MROH7: variants seen among roughly 807,000 people sequenced by gnomAD.
MROH7 encodes maestro heat-like repeat-containing protein family member 7.
A neutral mutation model predicts 129.2 loss-of-function variants in MROH7; 113 were observed. The ratio of observed to expected loss-of-function variants is 0.87; its 90% CI spans 0.75 to 1.02. The LOEUF (loss-of-function observed/expected upper bound fraction) is 1.02, where lower values mean the gene tolerates loss of function less well. Ranked by LOEUF, MROH7 falls within the 50% of genes least tolerant of loss-of-function variation. The pLI is 0.00. For missense variants in MROH7, 1,601 were observed against 1,671.3 expected, an observed-to-expected ratio of 0.96 and a Z score of 0.73; for synonymous variants, 655 against 667.9, an observed-to-expected ratio of 0.98 and a Z score of 0.30.
Position 54,670,538 on chromosome 1 carries a change from C to T in MROH7, c.1431C>T (p.Ser477=), listed in dbSNP as rs769296346. The part of the protein sequence containing the change: ...QEEPLDSLSS[S]VRKQAMEILT... ...AGCCACTGGATTCTCTCTCAAGCTC[C>T]GTCCGCAAGCAGGCCATGGAGATCC... Residue 477 remains serine, a synonymous_variant, in exon 6 of 24, where the codon TCC becomes TCT. Transcript: ENST00000421030. 4.4e-5 allele frequency: 71 copies of T among 1,613,848 alleles called. No individual in the cohort carries two copies. Among genetic ancestry groups the T allele is most frequent in the Middle Eastern group, 3.3e-4 (2 of 6,060 alleles).
chr1:54,660,246 T>C (rs987379869), intron 3 of MROH7, among the ~76,000 whole-genome samples: 1 of 152,158 alleles, frequency 6.6e-6, no homozygotes, highest in Admixed American at 6.5e-5. Flanking sequence ...TACATGGTGG[T>C]AGGTGGAAGG....
At chr1:54,674,810 A>T (rs916389700) in intron 10 of MROH7, among the ~76,000 whole-genome samples, 1 of 152,094 alleles carries the variant, frequency 6.6e-6, no homozygotes, top group African/African-American at 2.4e-5. Flanking sequence ...TCTGCCCTAA[A>T]CCAGGGCACC....
rs1379270078 is a variant in MROH7 at position 54,684,694 on chromosome 1, T to G, written c.2521-1564T>G. Among the ~76,000 whole-genome samples, 6 of 152,240 alleles carry G rather than the reference T, an allele frequency of 3.9e-5. No individual in the cohort carries two copies. In the East Asian group the frequency reaches 1.2e-3, roughly 29 times the overall value. On this transcript the variant is annotated intron_variant, in intron 14 of 23. Transcript: ENST00000421030. ...GGCTGCTGGAAAAGTACAAGGGCTT[T>G]GAGTCCAAGAGACTTGTCTTAGCTC...
At chr1:54,645,080 G>A (rs1281877355) in intron 1 of MROH7, among the ~76,000 whole-genome samples, 1 of 152,108 alleles carries the variant, frequency 6.6e-6, no homozygotes, top group Non-Finnish European at 1.5e-5. Context: ...AAAGTGCTGA[G>A]ATTACATGCA....
At chr1:54,670,448 G>T in intron 5 of MROH7, 49 bp from the exon 6 acceptor site, 4 of 1,556,816 alleles carry the variant, frequency 2.6e-6, no homozygotes, top group Non-Finnish European at 3.5e-6. Context: ...GGCCCTGGTG[G>T]CCTGCAGTAG....
At chr1:54,699,053 C>T (rs1645368921) in intron 17 of MROH7, 1 of 151,816 alleles carries the variant, frequency 6.6e-6, no homozygotes, top group Admixed American at 6.6e-5. Context: ...CTCAGTCTCT[C>T]AAAGTGCTGA....
In MROH7 at chr1:54,673,138, C is replaced by T. The variant is rs755872203; in HGVS notation, c.1647C>T (p.Ala549=). ...AGGCCCTGCAGACACTGCTCAAAGC[C>T]CTCTTTATCGAGGACCCCACTCCTG... is the stretch of plus-strand genomic sequence containing the variant. ...TLEALQTLLK[A]LFIEDPTPAG... Residue 549 remains alanine, a synonymous_variant, in exon 8 of 24, where the codon GCC becomes GCT. Transcript: ENST00000421030. The T allele has an allele frequency of 9.9e-6, 16 of 1,613,888 alleles. No homozygotes were observed. Among genetic ancestry groups the T allele is most frequent in the African/African-American group, 4.0e-5 (3 of 74,894 alleles).
intron 1 of MROH7, among the ~76,000 whole-genome samples, chr1:54,645,273 GA>G (rs1644446550): frequency 6.6e-6 from 1 of 151,614 alleles, no homozygotes; most frequent in African/African-American, 2.4e-5. Context: ...ATTACATTAA[GA>G]TTTTTTTTTT....
In MROH7 at chr1:54,703,667, C is replaced by G. The variant is rs1645475754; in HGVS notation, c.3564+922C>G. 6.6e-6 allele frequency among the ~76,000 whole-genome samples: 1 copy of G among 152,102 alleles called. No homozygotes were observed. The highest frequency in any genetic ancestry group is 1.5e-5 in the Non-Finnish European group (1 of 68,018). On this transcript the variant is annotated intron_variant, in intron 21 of 23. Transcript: ENST00000421030. This position sits in a 1 kb window ranked among gnomAD's most constrained non-coding sequence, Gnocchi z 4.4. ...GCGCATACACACACACACACAAGCA[C>G]AACTCTGCAGGATACAGCCTAGTCC... is the stretch of plus-strand genomic sequence containing the variant.
chr1:54,698,191 A>G (rs1019374202), intron 17 of MROH7: 4 of 160,204 alleles, frequency 2.5e-5, no homozygotes, highest in African/African-American at 9.6e-5. Context: ...GAGCTGTGCC[A>G]TCTTGGACAA....
In MROH7 at chr1:54,653,481, A is replaced by C. The variant is rs749616801; in HGVS notation, c.555A>C (p.Glu185Asp). 3 of 1,614,082 alleles carry C rather than the reference A, an allele frequency of 1.9e-6. No individual in the cohort carries two copies. The African/African-American group carries it at 4.0e-5, about 22-fold the overall frequency. ...CATTTATAAGGCACCATTCCAGAGA[A>C]GGTCTGGTTCTGGGCCACTGCATCT... ...LNPFIRHHSR[E>D]GLVLGHCISR... is the part of the protein sequence containing the mutation. Residue 185 changes from glutamate to aspartate, a missense_variant, in exon 3 of 24, where the codon GAA becomes GAC. Transcript: ENST00000421030.
At chr1:54,645,508 T>G (rs1361189050) in intron 1 of MROH7, among the ~76,000 whole-genome samples, 1 of 152,094 alleles carries the variant, frequency 6.6e-6, no homozygotes, top group African/African-American at 2.4e-5. Context: ...CTTGAACTTC[T>G]GACCTCAAGT....
At chr1:54,694,738 C>T (rs1645293806) in intron 16 of MROH7, among the ~76,000 whole-genome samples, 1 of 152,178 alleles carries the variant, frequency 6.6e-6, no homozygotes, top group South Asian at 2.1e-4. Context: ...CCAAAGTGGT[C>T]AGGCCTGAGC....
At chr1:54,661,419 T>C (rs1557697231) in intron 3 of MROH7, among the ~76,000 whole-genome samples, 2 of 151,806 alleles carry the variant, frequency 1.3e-5, no homozygotes, top group Non-Finnish European at 2.9e-5. Context: ...TCCGTGTTGA[T>C]CAGGCTGGTT....
rs1645347376 is a variant in MROH7 at position 54,697,851 on chromosome 1, G to A, written c.2964+2361G>A. ...ATGGGTTCTTGCAGGAGAGGAGGGA[G>A]GGTGGATCTTGCCAGACCTTATGGG... On this transcript the variant is annotated intron_variant, in intron 17 of 23. Coordinates refer to ENST00000421030, the MANE Select transcript of MROH7 (RefSeq NM_001039464.4). 5.5e-6 allele frequency: 3 copies of A among 543,152 alleles called. No individual in the cohort carries two copies. In the East Asian group the frequency reaches 8.7e-5, roughly 16 times the overall value. 33.6% of individuals were successfully genotyped at this position (543,152 alleles called of 1,614,324 possible). A position where few individuals can be genotyped will look rare whatever the true frequency, so the allele number is the denominator to read the frequency against.
Position 54,673,654 on chromosome 1 carries a change from G to T in MROH7, c.1696-47G>T, listed in dbSNP as rs1314834631. ...GCTGGCCTGTCCACCCAGCAGCAGG[G>T]GCTGTCATCTAACCTGTAGTTCTGA... On this transcript the variant is annotated intron_variant, in intron 8 of 23. Transcript: ENST00000421030. The T allele has an allele frequency of 3.5e-6, 5 of 1,442,718 alleles. No homozygotes were observed. In the Admixed American group the frequency reaches 6.7e-5, roughly 19 times the overall value. 89.4% of individuals were successfully genotyped at this position (1,442,718 alleles called of 1,614,324 possible).
At chr1:54,708,352 A>G (rs1190868581) in intron 22 of MROH7, among the ~76,000 whole-genome samples, 2 of 152,194 alleles carry the variant, frequency 1.3e-5, no homozygotes. Context: ...GCTTGAGCCC[A>G]GGAGTTTGAG....
In MROH7 at chr1:54,663,732, G is replaced by A. The variant is rs1039508702; in HGVS notation, c.1232-1435G>A. 4 of 398,106 alleles carry A rather than the reference G, an allele frequency of 1.0e-5. No individual in the cohort carries two copies. In the Admixed American group the frequency reaches 1.4e-4, roughly 14 times the overall value. 24.7% of individuals were successfully genotyped at this position (398,106 alleles called of 1,614,324 possible). A position where few individuals can be genotyped will look rare whatever the true frequency, so the allele number is the denominator to read the frequency against. ...AAAAAACAAGCTTTTGTGTCCCTTT[G>A]ACATTTGACATGTCTTTATCATTCA... On this transcript the variant is annotated intron_variant, in intron 3 of 23. Coordinates refer to ENST00000421030, the MANE Select transcript of MROH7 (RefSeq NM_001039464.4).
intron 17 of MROH7, chr1:54,697,566 A>T: frequency 1.6e-6 from 1 of 618,608 alleles, no homozygotes; most frequent in South Asian, 1.9e-5. Context: ...GGGAAAGAGA[A>T]AGGGAAACTA....
Sources: gnomAD v4.1 joint callset for allele counts (sites outside exome capture counted in the v4.1 genomes callset) on GRCh38, gnomAD v4.1.1 for gene constraint, Gnocchi (gnomAD v3.1) non-coding constraint, MANE v1.5 for transcripts, NCBI Gene and HGNC (gene_info 2026-07-23, HGNC 2026-07-21) for gene names.